Variants in CENPW observed in about 807,000 individuals in gnomAD.
CENPW encodes the protein cancer-up-regulated gene 2 protein.
Under a neutral mutation model 11.1 loss-of-function variants are expected in CENPW, and 3 were observed. The observed-to-expected ratio is 0.27, with a 90% confidence interval of 0.12 to 0.70. CENPW has a LOEUF of 0.70. Among genes scored for constraint, CENPW ranks in the 30% least tolerant of loss-of-function variants. The probability of loss-of-function intolerance (pLI) is 0.77; values close to 1 mark genes in which losing one functional copy is unlikely to be tolerated. For synonymous variants in CENPW, 38 were observed against 42.0 expected, an observed-to-expected ratio of 0.91 and a Z score of 0.37; for missense variants, 100 against 105.6, an observed-to-expected ratio of 0.95 and a Z score of 0.23.
the CENPW span, among the ~76,000 whole-genome samples, chr6:126,479,847 C>A: frequency 1.1e-4 from 16 of 151,908 alleles, no homozygotes; most frequent in African/African-American, 3.9e-4. Flanking sequence ...TAAGAGGTAT[C>A]TTGCAGATTC....
the CENPW span, among the ~76,000 whole-genome samples, chr6:126,376,987 C>CT: frequency 2.0e-5 from 3 of 152,112 alleles, no homozygotes; most frequent in East Asian, 1.9e-4. Context: ...TGATATTCAA[C>CT]TTTTCCAGCA....
chr6:126,386,774 A>T, the CENPW span, among the ~76,000 whole-genome samples: 2 of 151,976 alleles, frequency 1.3e-5, no homozygotes, highest in East Asian at 3.9e-4. Flanking sequence ...GATGAATAAG[A>T]CATGAACTTG....
At chr6:126,364,994 A>G in the CENPW span, among the ~76,000 whole-genome samples, 1 of 152,234 alleles carries the variant, frequency 6.6e-6, no homozygotes, top group Non-Finnish European at 1.5e-5. Context: ...CTTGATGCAC[A>G]TAAACATGCT....
the CENPW span, among the ~76,000 whole-genome samples, chr6:126,376,193 G>A: frequency 6.6e-6 from 1 of 152,088 alleles, no homozygotes; most frequent in African/African-American, 2.4e-5. Flanking sequence ...GTGAATGAAT[G>A]GAAATAAAAA....
At chr6:126,351,556 T>C (rs375903082), downstream of CENPW, among the ~76,000 whole-genome samples, 18 of 152,146 alleles carry the variant, frequency 1.2e-4, no homozygotes, top group African/African-American at 4.1e-4. Flanking sequence ...GGAAGATGTG[T>C]TTATTAGATT....
the CENPW span, among the ~76,000 whole-genome samples, chr6:126,375,789 T>C: frequency 1.3e-5 from 2 of 152,212 alleles, no homozygotes; most frequent in African/African-American, 2.4e-5. Context: ...ACTTTAGTTA[T>C]ATTCAGGCCT....
the CENPW span, among the ~76,000 whole-genome samples, chr6:126,411,039 T>A: frequency 6.6e-6 from 1 of 152,154 alleles, no homozygotes; most frequent in African/African-American, 2.4e-5. Flanking sequence ...AGTGGTGTCA[T>A]AGATCCTTGG....
the CENPW span, among the ~76,000 whole-genome samples, chr6:126,392,615 A>G: frequency 6.6e-6 from 1 of 151,860 alleles, no homozygotes; most frequent in Non-Finnish European, 1.5e-5. Flanking sequence ...ATTGATTTGC[A>G]TGTGTTGAAC....
the CENPW span, among the ~76,000 whole-genome samples, chr6:126,375,593 T>C: frequency 5.6e-3 from 848 of 152,220 alleles, 10 homozygotes; most frequent in African/African-American, 0.017. Flanking sequence ...GCCTTTTTTT[T>C]CCCTAATTCA....
At chr6:126,418,962 A>G in the CENPW span, among the ~76,000 whole-genome samples, 2 of 151,160 alleles carry the variant, frequency 1.3e-5, no homozygotes, top group Non-Finnish European at 3.0e-5. Flanking sequence ...GGATAGCATT[A>G]GGAGATATAC....
At chr6:126,376,594 G>A in the CENPW span, among the ~76,000 whole-genome samples, 1 of 152,164 alleles carries the variant, frequency 6.6e-6, no homozygotes, top group Non-Finnish European at 1.5e-5. Flanking sequence ...AGCCAGGAGA[G>A]GAGAACCAGA....
At chr6:126,363,284 C>T in the CENPW span, among the ~76,000 whole-genome samples, 1 of 152,102 alleles carries the variant, frequency 6.6e-6, no homozygotes, top group Non-Finnish European at 1.5e-5. Flanking sequence ...GTATGTTTGG[C>T]CTACAGATAA....
chr6:126,388,781 T>C, the CENPW span, among the ~76,000 whole-genome samples: 1 of 151,934 alleles, frequency 6.6e-6, no homozygotes, highest in Non-Finnish European at 1.5e-5. Context: ...TGCTAATAAT[T>C]ATTTTATTGC....
chr6:126,357,763 C>T, the CENPW span, among the ~76,000 whole-genome samples: 2 of 152,100 alleles, frequency 1.3e-5, no homozygotes, highest in African/African-American at 4.8e-5. Flanking sequence ...CATGTGCCAC[C>T]ACACCTGGCT....
the CENPW span, among the ~76,000 whole-genome samples, chr6:126,460,512 C>G: frequency 6.6e-6 from 1 of 151,710 alleles, no homozygotes; most frequent in Non-Finnish European, 1.5e-5. Flanking sequence ...TAACATCTTA[C>G]CCCCTCCTGA....
At chr6:126,355,829 A>C in the CENPW span, among the ~76,000 whole-genome samples, 1 of 152,204 alleles carries the variant, frequency 6.6e-6, no homozygotes, top group East Asian at 1.9e-4. Context: ...CTAGGACAAG[A>C]GCTTCTGATT....
At chr6:126,451,748 A>G in the CENPW span, among the ~76,000 whole-genome samples, 1 of 151,080 alleles carries the variant, frequency 6.6e-6, no homozygotes, top group Non-Finnish European at 1.5e-5. Flanking sequence ...ATATGGGTTC[A>G]GTCACACAAG....
chr6:126,398,377 A>G, the CENPW span, among the ~76,000 whole-genome samples: 1 of 152,186 alleles, frequency 6.6e-6, no homozygotes, highest in Admixed American at 6.6e-5. Context: ...TAAATAAAAT[A>G]TGCCCTGAAT....
At chr6:126,357,718 C>T in the CENPW span, among the ~76,000 whole-genome samples, 7 of 151,950 alleles carry the variant, frequency 4.6e-5, no homozygotes, top group Non-Finnish European at 7.4e-5. Context: ...AAGTGATTGT[C>T]CTGCCTCAGC....
Sources: gnomAD v4.1 joint callset for allele counts (sites outside exome capture counted in the v4.1 genomes callset) on GRCh38, gnomAD v4.1.1 for gene constraint, MANE v1.5 for transcripts, NCBI Gene and HGNC (gene_info 2026-07-23, HGNC 2026-07-21) for gene names.